Variants in RCN3 observed in about 807,000 individuals in gnomAD.
RCN3 encodes the protein reticulocalbin-3.
In RCN3, 41 loss-of-function variants were observed where a neutral mutation model predicts 35.9. The observed-to-expected ratio is 1.14, with a 90% confidence interval of 0.89 to 1.48. The LOEUF is 1.48. Among genes scored for constraint, RCN3 ranks in the 40% most tolerant of loss-of-function variants. The pLI, the probability that RCN3 is intolerant of heterozygous loss-of-function variation, is 0.00. For missense variants in RCN3, 451 were observed against 471.3 expected (o/e 0.96, Z 0.40); for synonymous variants, 187 against 193.4 (o/e 0.97, Z 0.27).
intron 2 of RCN3, 26 bp from the exon 3 acceptor site, chr19:49,534,167 T>C: frequency 6.8e-7 from 1 of 1,473,962 alleles, no homozygotes; most frequent in African/African-American, 1.5e-5. Flanking sequence ...GACCAGAGCC[T>C]GACGTGTGCC....
intron 3 of RCN3, among the ~76,000 whole-genome samples, chr19:49,535,478 T>A (rs917707990): frequency 1.3e-5 from 2 of 152,240 alleles, no homozygotes; most frequent in Non-Finnish European, 2.9e-5. Context: ...TGCTTTTTTG[T>A]GATGATTAAA....
rs779540782 is a variant in RCN3 at position 49,539,127 on chromosome 19, G to T, written c.627G>T (p.Leu209=). 1 of 1,604,186 alleles carries T rather than the reference G, an allele frequency of 6.2e-7. No homozygotes were observed. Among genetic ancestry groups the T allele is most frequent in the South Asian group, 1.1e-5 (1 of 89,758 alleles). ...HMRDIVIAET[L]EDLDRNKDGY... ...GCCCCTTTCTCCTCCAGGAAACCCTGGAGGACCTGGACAGAAACAAAGATG... is the reference window on the plus strand; with the variant it reads ...GCCCCTTTCTCCTCCAGGAAACCCTTGAGGACCTGGACAGAAACAAAGATG... Residue 209 remains leucine, a synonymous_variant, in exon 5 of 7, where the codon CTG becomes CTT. Coordinates refer to ENST00000270645, the MANE Select transcript of RCN3 (RefSeq NM_020650.3).
At chr19:49,535,873 T>TAG (rs369474948) in intron 3 of RCN3, among the ~76,000 whole-genome samples, 7,614 of 144,300 alleles carry the variant, frequency 0.053, 217 homozygotes, top group Middle Eastern at 0.077. Context: ...TATATATATA[T>TAG]ATAGATAGAT....
chr19:49,534,727 C>T (rs2080126317), intron 3 of RCN3, among the ~76,000 whole-genome samples: 1 of 152,122 alleles, frequency 6.6e-6, no homozygotes, highest in Non-Finnish European at 1.5e-5. Context: ...GTCCAATGCT[C>T]TACCAACTAA....
At chr19:49,529,878 T>C (rs1314006712) in intron 2 of RCN3, among the ~76,000 whole-genome samples, 2 of 151,950 alleles carry the variant, frequency 1.3e-5, no homozygotes, top group East Asian at 3.9e-4. Flanking sequence ...TGTCTCAGCC[T>C]CCCAAGTAGC....
intron 2 of RCN3, among the ~76,000 whole-genome samples, chr19:49,533,189 G>A (rs2080117285): frequency 6.6e-6 from 1 of 152,212 alleles, no homozygotes; most frequent in Non-Finnish European, 1.5e-5. Context: ...ACAACACCAG[G>A]AACCTCAGAG....
At chr19:49,533,670 G>A (rs1369955757) in intron 2 of RCN3, among the ~76,000 whole-genome samples, 1 of 151,064 alleles carries the variant, frequency 6.6e-6, no homozygotes, top group African/African-American at 2.4e-5. Flanking sequence ...GCTGGAGGGA[G>A]AGGAGCCTGA....
chr19:49,528,625 C>T lies in RCN3; in HGVS notation c.153C>T (p.Asn51=). 6.2e-7 allele frequency: 1 copy of T among 1,612,720 alleles called. No homozygotes were observed. The highest frequency in any genetic ancestry group is 8.5e-7 in the Non-Finnish European group (1 of 1,179,440). ...SDAPHDDAHG[N]FQYDHEAFLG... is the part of the protein sequence containing the mutation. ...CTCCCCATGATGACGCCCACGGGAA[C>T]TTCCAGTACGACCATGAGGCTTTCC... The change falls in exon 2 of 7, where the codon AAC becomes AAT. Residue 51 remains asparagine (N), a synonymous_variant. Coordinates refer to ENST00000270645, the MANE Select transcript of RCN3 (RefSeq NM_020650.3).
chr19:49,543,526 G>T lies in RCN3; in HGVS notation c.*313G>T. ...CCCCAACCCCTCCAGCTCCAAATCTGAGCCTCCACCACATAGACTGAAACT... is the reference window on the plus strand; with the variant it reads ...CCCCAACCCCTCCAGCTCCAAATCTTAGCCTCCACCACATAGACTGAAACT... On this transcript the variant is annotated 3_prime_UTR_variant, in exon 7 of 7. Coordinates refer to ENST00000270645, the MANE Select transcript of RCN3 (RefSeq NM_020650.3). The T allele has an allele frequency of 2.7e-6, 1 of 376,662 alleles. No homozygotes were observed. The highest frequency in any genetic ancestry group is 5.0e-6 in the Non-Finnish European group (1 of 199,950). The allele number at this position is 376,662 out of a possible 1,614,324, so 23.3% of individuals were successfully genotyped here.
chr19:49,536,321 A>G (rs2080135079), intron 3 of RCN3, among the ~76,000 whole-genome samples: 1 of 115,620 alleles, frequency 8.6e-6, no homozygotes, highest in Non-Finnish European at 1.7e-5. Flanking sequence ...TTGAGATGGA[A>G]TGGAGTTTCA....
chr19:49,543,127 G>T lies in RCN3; in HGVS notation c.901G>T (p.Glu301Ter). ...CCAGGATGGGCGGCTGAGCAAAGCGGAAATCCTGGGTAATTGGAACATGTT... is the reference window on the plus strand; with the variant it reads ...CCAGGATGGGCGGCTGAGCAAAGCGTAAATCCTGGGTAATTGGAACATGTT... Reference protein sequence around the residue: ...TDKDGRLSKAEILGNWNMFVG... With the variant: ...TDKDGRLSKA Residue 301 changes from glutamate to a stop codon, truncating the protein, a stop_gained, in exon 7 of 7, where the codon GAA becomes TAA. Transcript: ENST00000270645. LOFTEE classifies it high-confidence loss of function. The T allele has an allele frequency of 6.2e-7, 1 of 1,614,128 alleles. No homozygotes were observed. Among genetic ancestry groups the T allele is most frequent in the South Asian group, 1.1e-5 (1 of 91,084 alleles).
chr19:49,533,538 A>T (rs1202998736), intron 2 of RCN3, among the ~76,000 whole-genome samples: 1 of 152,190 alleles, frequency 6.6e-6, no homozygotes, highest in African/African-American at 2.4e-5. Context: ...AGGAGCCCGG[A>T]GGAGCATGGG....
At chr19:49,532,330 C>A (rs1267976124) in intron 2 of RCN3, among the ~76,000 whole-genome samples, 1 of 151,806 alleles carries the variant, frequency 6.6e-6, no homozygotes, top group South Asian at 2.1e-4. Context: ...TGGTCTCGAT[C>A]TCCTGACCTT....
chr19:49,542,878 G>C (rs1392198217), intron 6 of RCN3, 126 bp downstream of exon 6: 1 of 964,974 alleles, frequency 1.0e-6, no homozygotes, highest in Non-Finnish European at 1.5e-6. Flanking sequence ...AAGAGGGACA[G>C]AGAGAGGGAG....
At position 49,542,617 on chromosome 19, in the gene RCN3, G is replaced by C; in HGVS notation, c.744G>C (p.Gln248His). The change falls in exon 6 of 7, where the codon CAG (glutamine) becomes CAC (histidine). Residue 248 changes from glutamine to histidine, a missense_variant. Physicochemically the swap from Gln to His is conservative, Grantham distance 24. Coordinates refer to ENST00000270645, the MANE Select transcript of RCN3 (RefSeq NM_020650.3). The stretch of plus-strand genomic sequence containing the variant: ...CGTGGGTGCAGACGGAGAGGCAGCA[G>C]TTCCGGGACTTCCGGGATCTGAACA... ...EPAWVQTERQ[Q>H]FRDFRDLNKD... 3 of 1,609,110 alleles carry C rather than the reference G, an allele frequency of 1.9e-6. No individual in the cohort carries two copies. Among genetic ancestry groups the C allele is most frequent in the Non-Finnish European group, 2.5e-6 (3 of 1,178,266 alleles).
intron 4 of RCN3, among the ~76,000 whole-genome samples, 164 bp downstream of exon 4, chr19:49,537,369 C>A (rs538897386): frequency 2.6e-5 from 4 of 152,268 alleles, no homozygotes; most frequent in Admixed American, 2.6e-4. Flanking sequence ...GGACGGTGAC[C>A]TTTCCCACCT....
At chr19:49,541,174 C>A (rs977421346) in intron 5 of RCN3, among the ~76,000 whole-genome samples, 1 of 151,958 alleles carries the variant, frequency 6.6e-6, no homozygotes, top group Non-Finnish European at 1.5e-5. Flanking sequence ...AGGTTATCCA[C>A]CTGCCTCGGC....
At chr19:49,537,296 G>T in intron 4 of RCN3, 91 bp downstream of exon 4, 1 of 1,251,112 alleles carries the variant, frequency 8.0e-7, no homozygotes, top group Admixed American at 2.9e-5. Flanking sequence ...CGACCTGGGG[G>T]CAGGCAGTCA....
Position 49,537,107 on chromosome 19 carries a change from G to A in RCN3, c.520G>A (p.Val174Met), listed in dbSNP as rs767038375. 2 of 1,598,932 alleles carry A rather than the reference G, an allele frequency of 1.3e-6. No homozygotes were observed. The highest frequency in any genetic ancestry group is 1.7e-5 in the Admixed American group (1 of 58,644). Residue 174 changes from valine to methionine, a missense_variant, in exon 4 of 7, where the codon GTG becomes ATG. Transcript: ENST00000270645. ...GGCTCGGGACGAGCGGCGTTTCCGG[G>A]TGGCCGACCAGGATGGGGACTCGAT... is the stretch of plus-strand genomic sequence containing the variant. ...MLARDERRFR[V>M]ADQDGDSMAT...
Sources: allele counts gnomAD v4.1 joint callset (sites outside exome capture counted in the v4.1 genomes callset), GRCh38; gene constraint gnomAD v4.1.1; transcripts MANE v1.5; gene names NCBI Gene and HGNC (gene_info 2026-07-23, HGNC 2026-07-21).